Variants in AKT2 observed in about 807,000 individuals in gnomAD.
The protein encoded by AKT2 is AKT serine/threonine kinase 2.
Under a neutral mutation model 58.6 loss-of-function variants are expected in AKT2, and 16 were observed. The observed-to-expected ratio is 0.27, with a 90% CI of 0.18 to 0.41. The LOEUF is 0.41. Among genes scored for constraint, AKT2 ranks in the 10% least tolerant of loss-of-function variants. The pLI is 1.00. For missense variants in AKT2, 438 were observed against 661.0 expected (o/e 0.66, Z 3.70); for synonymous variants, 253 against 254.0 (o/e 1.00, Z 0.04).
intron 1 of AKT2, among the ~76,000 whole-genome samples, chr19:40,279,989 A>G (rs2077395152): frequency 6.6e-6 from 1 of 152,116 alleles, no homozygotes; most frequent in South Asian, 2.1e-4. Context: ...GTCCTCCCTG[A>G]TCACCCAGCT....
intron 1 of AKT2, among the ~76,000 whole-genome samples, chr19:40,281,831 A>C (rs948011612): frequency 5.9e-5 from 9 of 152,236 alleles, no homozygotes; most frequent in Non-Finnish European, 1.3e-4. Context: ...TAGTGAGGAG[A>C]CATTTCCGGT....
intron 1 of AKT2, among the ~76,000 whole-genome samples, chr19:40,275,987 G>C (rs1318711401): frequency 6.6e-6 from 1 of 151,154 alleles, no homozygotes; most frequent in Middle Eastern, 3.2e-3. Context: ...ACTCCAGCCT[G>C]GGTGACAGAG....
chr19:40,259,275 C>G (rs1048028932), intron 2 of AKT2, among the ~76,000 whole-genome samples: 20 of 150,306 alleles, frequency 1.3e-4, no homozygotes, highest in Admixed American at 1.1e-3. Context: ...GAGCAGGGAA[C>G]AGTGACCCAT....
intron 1 of AKT2, among the ~76,000 whole-genome samples, chr19:40,272,774 T>A (rs909100759): frequency 1.3e-5 from 2 of 148,740 alleles, no homozygotes; most frequent in Non-Finnish European, 3.0e-5. Context: ...CCGAAGGAAA[T>A]ACGCCACACT....
chr19:40,234,040 G>T lies in AKT2; in HGVS notation c.1367-89C>A. 1 of 1,365,968 alleles carries T rather than the reference G, an allele frequency of 7.3e-7. No homozygotes were observed. The highest frequency in any genetic ancestry group is 1.0e-6 in the Non-Finnish European group (1 of 990,090). 84.6% of individuals were successfully genotyped at this position (1,365,968 alleles called of 1,614,324 possible). A position where few individuals can be genotyped will look rare whatever the true frequency, so the allele number is the denominator to read the frequency against. On this transcript the variant is annotated intron_variant, in intron 13 of 13. Coordinates refer to ENST00000392038, the MANE Select transcript of AKT2 (RefSeq NM_001626.6). This position sits in a 1 kb window ranked among gnomAD's most constrained non-coding sequence, Gnocchi z 4.7. ...CTCCCTGGGGAAACGGCCCCAGCTG[G>T]CGGGGGCTGCCCACAGGACAGGACA... is the stretch of plus-strand genomic sequence containing the variant.
rs559499959 is a variant in AKT2, at chr19:40,263,538, G to C, written c.46+1684C>G. ...AGAGGAAGCAGCAGAACCAGGGTTA[G>C]AACCTTGATAGCTGCCAAGACTCAG... On this transcript the variant is annotated intron_variant, in intron 2 of 13. Transcript: ENST00000392038. Among the ~76,000 whole-genome samples, 14 of 152,334 alleles carry C rather than the reference G, an allele frequency of 9.2e-5. No homozygotes were observed. In the South Asian group the frequency reaches 2.9e-3, roughly 32 times the overall value.
rs1229470124 is a variant in AKT2 at position 40,230,974 on chromosome 19, C to T, written c.*2898G>A. On this transcript the variant is annotated 3_prime_UTR_variant, in exon 14 of 14. Transcript: ENST00000392038. ...CTGGCCTCAAGAGACCCGCCCGCCT[C>T]GGCCTCCCAAATTGCTGGGATTACA... The T allele has an allele frequency of 1.5e-5, 3 of 195,538 alleles. No individual in the cohort carries two copies. The highest frequency in any genetic ancestry group is 8.0e-5 in the East Asian group (1 of 12,440). The allele number at this position is 195,538 out of a possible 1,614,324, so 12.1% of individuals were successfully genotyped here. A position where few individuals can be genotyped will look rare whatever the true frequency, so the allele number is the denominator to read the frequency against.
chr19:40,267,452 C>T (rs1190840435), intron 1 of AKT2, among the ~76,000 whole-genome samples: 1 of 152,206 alleles, frequency 6.6e-6, no homozygotes, highest in South Asian at 2.1e-4. Flanking sequence ...GGGACAGCAC[C>T]TCCTTCTGGG....
intron 4 of AKT2, among the ~76,000 whole-genome samples, chr19:40,252,375 T>C (rs2145271425): frequency 6.6e-6 from 1 of 152,264 alleles, no homozygotes; most frequent in South Asian, 2.1e-4. Context: ...CAGGTGGGGC[T>C]CTCCAGCCTA....
At chr19:40,245,308 G>A (rs144936731) in intron 4 of AKT2, among the ~76,000 whole-genome samples, 13 of 152,270 alleles carry the variant, frequency 8.5e-5, no homozygotes, top group Non-Finnish European at 1.9e-4. Context: ...GGAGGCAGAG[G>A]CTGGAGGACT....
intron 4 of AKT2, among the ~76,000 whole-genome samples, chr19:40,247,267 C>G (rs1004722524): frequency 1.3e-5 from 2 of 152,184 alleles, no homozygotes; most frequent in Non-Finnish European, 2.9e-5. Flanking sequence ...CAGAGGAGAG[C>G]CCCTGGGTAA....
rs1973856913 is a variant in AKT2 at position 40,233,995 on chromosome 19, G to A, written c.1367-44C>T. The A allele has an allele frequency of 6.3e-7, 1 of 1,589,678 alleles. No homozygotes were observed. The highest frequency in any genetic ancestry group is 8.6e-7 in the Non-Finnish European group (1 of 1,168,526). ...GATGGGGAGGACCAGTCAGGAGAGG[G>A]CCTGGGACACCTGCCCAGACTCCCT... On this transcript the variant is annotated intron_variant, in intron 13 of 13. Coordinates refer to ENST00000392038, the MANE Select transcript of AKT2 (RefSeq NM_001626.6). This position sits in a 1 kb window ranked among gnomAD's most constrained non-coding sequence, Gnocchi z 4.3.
At chr19:40,245,544 C>A (rs1318158668) in intron 4 of AKT2, among the ~76,000 whole-genome samples, 1 of 152,018 alleles carries the variant, frequency 6.6e-6, no homozygotes, top group Non-Finnish European at 1.5e-5. Context: ...AACTGGGAGT[C>A]GAAGGAAAGG....
chr19:40,241,771 G>T, intron 6 of AKT2, 167 bp downstream of exon 6: 1 of 1,054,676 alleles, frequency 9.5e-7, no homozygotes, highest in Non-Finnish European at 1.4e-6. Flanking sequence ...AGCAAGGCCT[G>T]CTGCTCCTCT....
At chr19:40,262,546 T>TTAGATG (rs988259911) in intron 2 of AKT2, among the ~76,000 whole-genome samples, 2 of 152,208 alleles carry the variant, frequency 1.3e-5, no homozygotes, top group African/African-American at 4.8e-5. Context: ...GTGACTCTGA[T>TTAGATG]TAGATGTGCT....
intron 4 of AKT2, among the ~76,000 whole-genome samples, chr19:40,254,170 T>C (rs1975368404): frequency 8.0e-6 from 1 of 125,660 alleles, no homozygotes; most frequent in Non-Finnish European, 1.9e-5. Context: ...CTCTTCTGAT[T>C]ACTAAATTGA....
intron 1 of AKT2, chr19:40,274,658 T>A: frequency 8.3e-6 from 2 of 241,604 alleles, no homozygotes; most frequent in Non-Finnish European, 1.7e-5. Flanking sequence ...CAGCGCAGTC[T>A]GAGCAAAACC....
intron 4 of AKT2, among the ~76,000 whole-genome samples, chr19:40,251,027 A>G (rs898756859): frequency 6.6e-6 from 1 of 151,710 alleles, no homozygotes; most frequent in African/African-American, 2.4e-5. Context: ...ACATAGCAAG[A>G]CTCTGTCTCC....
At chr19:40,267,025 G>A (rs779709237) in intron 1 of AKT2, among the ~76,000 whole-genome samples, 9 of 151,982 alleles carry the variant, frequency 5.9e-5, no homozygotes, top group Non-Finnish European at 7.4e-5. Context: ...AACCTCTAAC[G>A]TGACCATCTC....
Sources: allele counts gnomAD v4.1 joint callset (sites outside exome capture counted in the v4.1 genomes callset), GRCh38; gene constraint gnomAD v4.1.1; non-coding constraint Gnocchi (gnomAD v3.1); transcripts MANE v1.5; gene names NCBI Gene and HGNC (gene_info 2026-07-23, HGNC 2026-07-21).